The following MMP3 variants were observed in gnomAD, a reference collection of about 807,000 sequenced individuals.
MMP3 encodes stromelysin-1.
MMP3 carries 46 observed loss-of-function variants against 47.3 expected under a neutral mutation model. That is an observed-to-expected ratio of 0.97 (90% CI 0.77 to 1.24). MMP3 has a LOEUF of 1.24. Ranked by LOEUF, MMP3 falls within the 50% of genes most tolerant of loss-of-function variation. The pLI, the probability that MMP3 is intolerant of heterozygous loss-of-function variation, is 0.00. For synonymous variants in MMP3, 216 were observed against 206.5 expected (o/e 1.05, Z -0.39); for missense variants, 558 against 565.5 (o/e 0.99, Z 0.13).
chr11:102,842,324 C>A, intron 3 of MMP3, 45 bp from the exon 4 acceptor site: 1 of 1,573,362 alleles, frequency 6.4e-7, no homozygotes, highest in African/African-American at 1.4e-5. Flanking sequence ...ACAAGGATCC[C>A]TTTTGAGCCT....
intron 6 of MMP3, 136 bp from the exon 7 acceptor site, chr11:102,839,379 T>A (rs1858951367): frequency 2.0e-6 from 2 of 982,190 alleles, no homozygotes; most frequent in African/African-American, 3.3e-5. Flanking sequence ...AAATCAGGTA[T>A]ATTGCCATTA....
chr11:102,839,101 A>C lies in MMP3; in HGVS notation c.1069+9T>G. The C allele has an allele frequency of 6.2e-7, 1 of 1,607,322 alleles. No individual in the cohort carries two copies. The highest frequency in any genetic ancestry group is 8.5e-7 in the Non-Finnish European group (1 of 1,178,060). ...TGGCAAGTTAAACAAATGATGATAT[A>C]GTAATTACCTTTAAAAATGAAAACG... On this transcript the variant is annotated intron_variant, in intron 7 of 9. Coordinates refer to ENST00000299855, the MANE Select transcript of MMP3 (RefSeq NM_002422.5).
In MMP3 at chr11:102,837,600, C is replaced by G. The variant is rs1213299060; in HGVS notation, c.1230-199G>C. On this transcript the variant is annotated intron_variant, in intron 8 of 9. Transcript: ENST00000299855. The surrounding 1 kb of genome is among the most constrained non-coding windows in gnomAD (Gnocchi z 4.4). ...CTGAAAGCCATATCTCCATCCGGAA[C>G]AGGGGCCGCATCCTGCTGTATGTAG... Among the ~76,000 whole-genome samples, 1 of 152,114 alleles carries G rather than the reference C, an allele frequency of 6.6e-6. No homozygotes were observed. Among genetic ancestry groups the G allele is most frequent in the East Asian group, 1.9e-4 (1 of 5,198 alleles).
intron 4 of MMP3, among the ~76,000 whole-genome samples, chr11:102,840,942 A>T (rs1164030346): frequency 1.3e-5 from 2 of 152,058 alleles, no homozygotes; most frequent in Non-Finnish European, 2.9e-5. Flanking sequence ...AGCATATCAG[A>T]TATTTACCTT....
At position 102,837,658 on chromosome 11, in the gene MMP3, T is replaced by C. The variant is rs1194793338; in HGVS notation, c.1230-257A>G. 6.6e-6 allele frequency among the ~76,000 whole-genome samples: 1 copy of C among 152,126 alleles called. No homozygotes were observed. Among genetic ancestry groups the C allele is most frequent in the Non-Finnish European group, 1.5e-5 (1 of 68,030 alleles). On this transcript the variant is annotated intron_variant, in intron 8 of 9. Transcript: ENST00000299855. This position sits in a 1 kb window ranked among gnomAD's most constrained non-coding sequence, Gnocchi z 4.4. ...TGTTTGTCATCATATTTCTTAAGCC[T>C]GGACAGAAAGAACCTTAATCATCTT...
In MMP3 at chr11:102,842,153, C is replaced by T. The variant is rs782552677; in HGVS notation, c.625+1G>A. On this transcript the variant is annotated splice_donor_variant, in intron 4 of 9. Coordinates refer to ENST00000299855, the MANE Select transcript of MMP3 (RefSeq NM_002422.5). LOFTEE classifies it high-confidence loss of function. ...ATCATTCTGAGAGATGTGTAACTAA[C>T]CTGTTGTATCCTTTGTCCATTGTTC... 4 of 1,575,842 alleles carry T rather than the reference C, an allele frequency of 2.5e-6. No homozygotes were observed. The highest frequency in any genetic ancestry group is 1.2e-5 in the South Asian group (1 of 81,840).
chr11:102,839,592 T>A (rs1242129754), intron 6 of MMP3, among the ~76,000 whole-genome samples: 4 of 152,226 alleles, frequency 2.6e-5, no homozygotes, highest in African/African-American at 7.2e-5. Flanking sequence ...TATACGTGTA[T>A]GTGCTGTGTA....
intron 1 of MMP3, among the ~76,000 whole-genome samples, chr11:102,843,152 T>G (rs531589427): frequency 6.6e-6 from 1 of 152,196 alleles, no homozygotes; most frequent in East Asian, 1.9e-4. Flanking sequence ...TCATCCACTC[T>G]CCACTTGTTA....
chr11:102,839,264 A>G, intron 6 of MMP3, 21 bp from the exon 7 acceptor site: 1 of 1,612,810 alleles, frequency 6.2e-7, no homozygotes, highest in Non-Finnish European at 8.5e-7. Context: ...TGTAAAAAGA[A>G]ATGTAAATTG....
Position 102,840,233 on chromosome 11 carries a change from A to G in MMP3, c.810T>C (p.Pro270=). 1 of 1,613,894 alleles carries G rather than the reference A, an allele frequency of 6.2e-7. No homozygotes were observed. The highest frequency in any genetic ancestry group is 1.1e-5 in the South Asian group (1 of 91,048). ...GTTCCGTGGGTACCAGGGGGGTCTC[A>G]GGGGAGTCAGGGGGAGGTCCTAAAG... ...QSLYGPPPDS[P]ETPLVPTEPV... Residue 270 remains proline (P), a synonymous_variant, in exon 6 of 10, where the codon CCT becomes CCC. Coordinates refer to ENST00000299855, the MANE Select transcript of MMP3 (RefSeq NM_002422.5).
rs1565224613 is a variant in MMP3, at chr11:102,838,711, C to T, written c.1070-1G>A. 1 of 1,611,254 alleles carries T rather than the reference C, an allele frequency of 6.2e-7. No homozygotes were observed. On this transcript the variant is annotated splice_acceptor_variant, in intron 7 of 9. Transcript: ENST00000299855. LOFTEE classifies it high-confidence loss of function. ...CCTCTGATAGCCCAGAATTGATTTCCTGTTAAATATAAATAATTCAGAGTC... is the reference window on the plus strand; with the variant it reads ...CCTCTGATAGCCCAGAATTGATTTCTTGTTAAATATAAATAATTCAGAGTC...
chr11:102,842,714 A>G lies in MMP3; in HGVS notation c.308T>C (p.Phe103Ser). ...TTTCCTCCACTTCGGGATGCCAGGA[A>G]AGGTTCTGAAGTGACCAACATCAGG... ...GVPDVGHFRT[F>S]PGIPKWRKTH... The change falls in exon 2 of 10, where the codon TTT (phenylalanine) becomes TCT (serine). Residue 103 changes from phenylalanine to serine, a missense_variant. Physicochemically the swap from Phe to Ser is radical, Grantham distance 155 (BLOSUM62 -2). Transcript: ENST00000299855. 1 of 1,613,934 alleles carries G rather than the reference A, an allele frequency of 6.2e-7. No homozygotes were observed. The highest frequency in any genetic ancestry group is 8.5e-7 in the Non-Finnish European group (1 of 1,179,958).
At chr11:102,840,737 A>G (rs1429034495) in intron 4 of MMP3, 144 bp from the exon 5 acceptor site, 15 of 754,108 alleles carry the variant, frequency 2.0e-5, no homozygotes, top group Non-Finnish European at 2.9e-5. Flanking sequence ...TGAACAATTG[A>G]CTAATTACAC....
At chr11:102,842,602 G>A in intron 2 of MMP3, 23 bp from the exon 3 acceptor site, 2 of 1,613,446 alleles carry the variant, frequency 1.2e-6, no homozygotes, top group Non-Finnish European at 1.7e-6. Context: ...AATTGAAGCA[G>A]ATGCTATTTT....
intron 6 of MMP3, 83 bp from the exon 7 acceptor site, chr11:102,839,326 A>C: frequency 6.7e-7 from 1 of 1,494,072 alleles, no homozygotes; most frequent in African/African-American, 1.4e-5. Flanking sequence ...TGCCTCACCC[A>C]GCTTCCCCCA....
chr11:102,840,667 G>T (rs1858981461), intron 4 of MMP3, 74 bp from the exon 5 acceptor site: 7 of 1,493,262 alleles, frequency 4.7e-6, no homozygotes. Flanking sequence ...GCTGTGCATT[G>T]TATTGGTTTT....
Position 102,836,032 on chromosome 11 carries a change from C to G in MMP3, c.*94G>C. 1 of 925,942 alleles carries G rather than the reference C, an allele frequency of 1.1e-6. No homozygotes were observed. The highest frequency in any genetic ancestry group is 1.7e-6 in the Non-Finnish European group (1 of 579,292). 57.4% of individuals were successfully genotyped at this position (925,942 alleles called of 1,614,324 possible). On this transcript the variant is annotated 3_prime_UTR_variant, in exon 10 of 10. Transcript: ENST00000299855. This position sits in a 1 kb window ranked among gnomAD's most constrained non-coding sequence, Gnocchi z 4.6. ...AGTGTGACTCGAGTCACAGCACAGG[C>G]AGGAGAAAACGAACATTTCAATTCA...
rs992330140 is a variant in MMP3 at position 102,840,120 on chromosome 11, A to G, written c.923T>C (p.Ile308Thr). ...TTTTCAGCCTGACCTGTCTTTAAAG[A>G]TCAGGATTTCTCCCCTCAGAGTGCT... ...AVSTLRGEIL[I>T]FKDRHFWRKS... Residue 308 changes from isoleucine to threonine, a missense_variant, in exon 6 of 10, where the codon ATC becomes ACC. By Grantham distance (89) the Ile-to-Thr change is moderately conservative. Coordinates refer to ENST00000299855, the MANE Select transcript of MMP3 (RefSeq NM_002422.5). 10 of 1,612,974 alleles carry G rather than the reference A, an allele frequency of 6.2e-6. No homozygotes were observed. The highest frequency in any genetic ancestry group is 8.5e-6 in the Non-Finnish European group (10 of 1,179,706).
chr11:102,839,972 C>A, intron 6 of MMP3, 136 bp downstream of exon 6: 1 of 945,118 alleles, frequency 1.1e-6, no homozygotes, highest in Non-Finnish European at 1.5e-6. Flanking sequence ...AAGGCAGCAC[C>A]AGATCTAAAT....
Sources: gnomAD v4.1 joint callset for allele counts (sites outside exome capture counted in the v4.1 genomes callset) on GRCh38, gnomAD v4.1.1 for gene constraint, Gnocchi (gnomAD v3.1) non-coding constraint, MANE v1.5 for transcripts, NCBI Gene and HGNC (gene_info 2026-07-23, HGNC 2026-07-21) for gene names.